TAOK1: variants seen among roughly 807,000 people sequenced by gnomAD.
TAOK1 encodes serine/threonine-protein kinase TAO1.
TAOK1 carries 21 observed loss-of-function variants against 138.3 expected under a neutral mutation model. The ratio of observed to expected loss-of-function variants is 0.15; its 90% CI spans 0.11 to 0.22. The LOEUF is 0.22. Among genes scored for constraint, TAOK1 ranks in the 10% least tolerant of loss-of-function variants. The pLI is 1.00. For missense variants in TAOK1, 651 were observed against 1,227.7 expected, an observed-to-expected ratio of 0.53 and a Z score of 7.02; for synonymous variants, 361 against 398.4, an observed-to-expected ratio of 0.91 and a Z score of 1.12.
rs1164294863 is a variant in TAOK1, at chr17:29,491,881, GTTTA to G, written c.831+28_831+31del. ...ACTTTTAAAGGTCAGTTCTATTATA[GTTTA>G]TTTATTTATTTTATTTTAAGACAAG... On this transcript the variant is annotated intron_variant, in intron 10 of 19. Transcript: ENST00000261716. 8 of 1,574,768 alleles carry G rather than the reference GTTTA, an allele frequency of 5.1e-6. No homozygotes were observed. Among genetic ancestry groups the G allele is most frequent in the African/African-American group, 4.1e-5 (3 of 73,744 alleles).
At chr17:29,535,091 C>T (rs2032200551) in intron 19 of TAOK1, among the ~76,000 whole-genome samples, 1 of 152,100 alleles carries the variant, frequency 6.6e-6, no homozygotes, top group African/African-American at 2.4e-5. Flanking sequence ...GCGGGAAGAT[C>T]GTCTGAGCTC....
intron 1 of TAOK1, among the ~76,000 whole-genome samples, chr17:29,395,529 TCAAAA>T (rs1183481937): frequency 1.3e-5 from 2 of 152,026 alleles, no homozygotes; most frequent in African/African-American, 2.4e-5. Flanking sequence ...AGACTCCATC[TCAAAA>T]CAAAACGAAA....
chr17:29,439,978 C>CT (rs1213761105), intron 1 of TAOK1, among the ~76,000 whole-genome samples: 1 of 151,692 alleles, frequency 6.6e-6, no homozygotes, highest in Non-Finnish European at 1.5e-5. Flanking sequence ...CATCCTCAAC[C>CT]TAAAAGTAAT....
intron 16 of TAOK1, among the ~76,000 whole-genome samples, chr17:29,520,146 A>C (rs2031888644): frequency 6.7e-6 from 1 of 149,428 alleles, no homozygotes; most frequent in Non-Finnish European, 1.5e-5. Context: ...ACACCACCGC[A>C]CTCCAGCCTG....
In TAOK1 at chr17:29,460,627, A is replaced by T. The variant is rs76999514; in HGVS notation, c.133-6518A>T. Among the ~76,000 whole-genome samples, 920 of 152,326 alleles carry T rather than the reference A, an allele frequency of 6.0e-3. 7 individuals carry two copies. The highest frequency in any genetic ancestry group is 0.011 in the Non-Finnish European group (735 of 68,020). ...AATACCTGCTACATTACCCTAAGAA[A>T]TATGGGCTTTATTCTGAAGTCTTCA... On this transcript the variant is annotated intron_variant, in intron 2 of 19. Transcript: ENST00000261716.
chr17:29,465,831 T>A (rs1471228631), intron 2 of TAOK1, among the ~76,000 whole-genome samples: 1 of 144,660 alleles, frequency 6.9e-6, no homozygotes, highest in African/African-American at 2.5e-5. Flanking sequence ...CTGTCAAGTT[T>A]CTGTGCTTTT....
intron 2 of TAOK1, among the ~76,000 whole-genome samples, chr17:29,462,761 CACAG>C (rs2030558925): frequency 6.6e-6 from 1 of 152,204 alleles, no homozygotes; most frequent in Non-Finnish European, 1.5e-5. Flanking sequence ...AATGTATCTT[CACAG>C]ACAATTTCCT....
chr17:29,511,476 T>C (rs1213065776), intron 15 of TAOK1: 2 of 152,232 alleles, frequency 1.3e-5, no homozygotes, highest in Non-Finnish European at 2.9e-5. Flanking sequence ...GACCTTGTGA[T>C]CCGCCTGCCT....
At chr17:29,430,764 G>A (rs1598478285) in intron 1 of TAOK1, among the ~76,000 whole-genome samples, 2 of 152,146 alleles carry the variant, frequency 1.3e-5, no homozygotes, top group East Asian at 3.9e-4. Flanking sequence ...GAGGCAGAAG[G>A]ACTGAAGGTC....
intron 2 of TAOK1, among the ~76,000 whole-genome samples, chr17:29,466,348 T>C (rs936375675): frequency 2.4e-4 from 36 of 152,138 alleles, no homozygotes; most frequent in African/African-American, 8.0e-4. Flanking sequence ...TTCACCATGT[T>C]GGCCAGGCTG....
chr17:29,480,659 A>G (rs1237114189), intron 7 of TAOK1, among the ~76,000 whole-genome samples, 178 bp downstream of exon 7: 1 of 152,044 alleles, frequency 6.6e-6, no homozygotes, highest in Non-Finnish European at 1.5e-5. Flanking sequence ...ACTTGAGGTC[A>G]GGAGTTTGAG....
intron 18 of TAOK1, among the ~76,000 whole-genome samples, chr17:29,532,992 C>A (rs1183609817): frequency 1.8e-3 from 5 of 2,792 alleles, no homozygotes; most frequent in Admixed American, 7.9e-3. Flanking sequence ...GGGGGCTGAC[C>A]CCCCCACCTC....
At chr17:29,533,577 G>T (rs367945094) in intron 18 of TAOK1, among the ~76,000 whole-genome samples, 1 of 151,968 alleles carries the variant, frequency 6.6e-6, no homozygotes, top group Admixed American at 6.6e-5. Context: ...ACGAGACTCC[G>T]TCTGCAATCC....
chr17:29,459,921 C>G (rs2030493183), intron 2 of TAOK1, among the ~76,000 whole-genome samples: 1 of 152,164 alleles, frequency 6.6e-6, no homozygotes, highest in Admixed American at 6.6e-5. Flanking sequence ...ATTATTTGTA[C>G]TTACCTGGGC....
chr17:29,484,235 T>C (rs2031121381), intron 8 of TAOK1, among the ~76,000 whole-genome samples: 4 of 152,236 alleles, frequency 2.6e-5, no homozygotes, highest in Admixed American at 2.6e-4. Context: ...TAATTTTGCA[T>C]GGGAGAAATA....
intron 1 of TAOK1, among the ~76,000 whole-genome samples, chr17:29,442,822 T>G (rs1439831826): frequency 6.6e-6 from 1 of 152,118 alleles, no homozygotes; most frequent in African/African-American, 2.4e-5. Flanking sequence ...TTAGGGAGGC[T>G]GAGGCGGGCA....
intron 1 of TAOK1, among the ~76,000 whole-genome samples, chr17:29,428,765 A>G (rs1402323095): frequency 6.7e-6 from 1 of 149,838 alleles, no homozygotes; most frequent in Non-Finnish European, 1.5e-5. Flanking sequence ...CTGGGACTGC[A>G]GTTGCGCACC....
At chr17:29,419,610 A>C (rs1052485079) in intron 1 of TAOK1, among the ~76,000 whole-genome samples, 1 of 149,994 alleles carries the variant, frequency 6.7e-6, no homozygotes, top group African/African-American at 2.5e-5. Flanking sequence ...CTCCACCTCA[A>C]CCTCCTAAAT....
chr17:29,397,638 A>ATT (rs1904666618), intron 1 of TAOK1, among the ~76,000 whole-genome samples: 1 of 141,030 alleles, frequency 7.1e-6, no homozygotes, highest in Non-Finnish European at 1.5e-5. Flanking sequence ...ATACATGTAT[A>ATT]CATGTATATA....
Sources: gnomAD v4.1 joint callset for allele counts (sites outside exome capture counted in the v4.1 genomes callset) on GRCh38, gnomAD v4.1.1 for gene constraint, MANE v1.5 for transcripts, NCBI Gene and HGNC (gene_info 2026-07-23, HGNC 2026-07-21) for gene names.